The following CLIP1 variants were observed in gnomAD, a reference collection of about 807,000 sequenced individuals.
CLIP1 encodes CAP-Gly domain containing linker protein 1, also known as CAP-Gly domain-containing linker protein 1.
A neutral mutation model predicts 161.6 loss-of-function variants in CLIP1; 66 were observed. That is an observed-to-expected ratio of 0.41 (90% CI 0.33 to 0.50). The LOEUF (loss-of-function observed/expected upper bound fraction) is 0.50. Ranked by LOEUF, CLIP1 falls within the 20% of genes least tolerant of loss-of-function variation. The pLI, the probability that CLIP1 is intolerant of heterozygous loss-of-function variation, is 0.27. For synonymous variants in CLIP1, 598 were observed against 626.2 expected (o/e 0.96, Z 0.67); for missense variants, 1,376 against 1,702.0 (o/e 0.81, Z 3.37).
At chr12:122,345,530 T>A (rs1311983764) in intron 10 of CLIP1, among the ~76,000 whole-genome samples, 1 of 152,052 alleles carries the variant, frequency 6.6e-6, no homozygotes, top group African/African-American at 2.4e-5. Context: ...AGTTCCTTCT[T>A]CTTAAAAAAT....
At chr12:122,350,023 G>A (rs1952948221) in intron 9 of CLIP1, among the ~76,000 whole-genome samples, 1 of 151,776 alleles carries the variant, frequency 6.6e-6, no homozygotes, top group African/African-American at 2.4e-5. Flanking sequence ...TCCTGCCTCA[G>A]CCTCCCTAGT....
chr12:122,394,715 A>ACTG (rs374246124), intron 1 of CLIP1, among the ~76,000 whole-genome samples: 1 of 7,422 alleles, frequency 1.3e-4, no homozygotes, highest in Non-Finnish European at 2.3e-4. Flanking sequence ...GTGGAACCGC[A>ACTG]TCTCTACTAA....
intron 1 of CLIP1, among the ~76,000 whole-genome samples, chr12:122,403,090 C>G (rs1956195183): frequency 6.6e-6 from 1 of 152,096 alleles, no homozygotes; most frequent in African/African-American, 2.4e-5. Context: ...TACCCCAGGC[C>G]CCCCTGGATA....
chr12:122,319,329 T>C lies in CLIP1; in HGVS notation c.3269A>G (p.Asp1090Gly). 6.2e-7 allele frequency: 1 copy of C among 1,613,876 alleles called. No homozygotes were observed. Among genetic ancestry groups the C allele is most frequent in the Non-Finnish European group, 8.5e-7 (1 of 1,179,710 alleles). Residue 1090 changes from aspartate to glycine, a missense_variant, in exon 18 of 26, where the codon GAT becomes GGT. Physicochemically the swap from Asp to Gly is moderately conservative, Grantham distance 94. Coordinates refer to ENST00000620786, the MANE Select transcript of CLIP1 (RefSeq NM_001247997.2). ...DKAKAAQTAE[D>G]AMQIMEQMTK... ...CATCTGTTCCATTATCTGCATGGCATCTTCCGCTGTTTGAGCAGCCTAAAT... is the reference window on the plus strand; with the variant it reads ...CATCTGTTCCATTATCTGCATGGCACCTTCCGCTGTTTGAGCAGCCTAAAT...
intron 18 of CLIP1, among the ~76,000 whole-genome samples, chr12:122,318,649 C>T (rs531905153): frequency 6.6e-6 from 1 of 152,294 alleles, no homozygotes; most frequent in East Asian, 1.9e-4. Context: ...ATTTAGATAA[C>T]AGCTTTCCAA....
At chr12:122,404,061 G>T (rs758852707) in intron 1 of CLIP1, among the ~76,000 whole-genome samples, 1 of 152,178 alleles carries the variant, frequency 6.6e-6, no homozygotes, top group African/African-American at 2.4e-5. Flanking sequence ...ATGAGTGAGC[G>T]GTCTACGCGA....
rs756842406 is a variant in CLIP1 at position 122,309,782 on chromosome 12, C to T, written c.3574G>A (p.Glu1192Lys). The T allele has an allele frequency of 2.9e-5, 46 of 1,612,828 alleles. No individual in the cohort carries two copies. In the East Asian group the frequency reaches 6.7e-4, roughly 23 times the overall value. Residue 1192 changes from glutamate (E) to lysine (K), a missense_variant, in exon 20 of 26, where the codon GAA becomes AAA. Glu to Lys is a moderately conservative substitution (Grantham distance 56, BLOSUM62 1). This residue lies in a region of CLIP1 where 948 missense variants were observed against 1,134.8 expected (regional missense o/e 0.84). Transcript: ENST00000620786. Reference protein sequence around the residue: ...LAEELGRSRDEVTSHQKLEEE... With the variant: ...LAEELGRSRDKVTSHQKLEEE... ...CTGACCTTTTGATGACTTGTGACTT[C>T]GTCCCTGCTTCTCCCCAGCTCCTCA... is the stretch of plus-strand genomic sequence containing the variant.
chr12:122,366,110 C>A (rs529675395), intron 3 of CLIP1, among the ~76,000 whole-genome samples: 1 of 152,024 alleles, frequency 6.6e-6, no homozygotes, highest in Admixed American at 6.6e-5. Context: ...AGTTTGAGAG[C>A]AGCCTGGCCA....
At position 122,333,046 on chromosome 12, in the gene CLIP1, C is replaced by T; in HGVS notation, c.2808G>A (p.Met936Ile). The change falls in exon 15 of 26, where the codon ATG becomes ATA. Residue 936 changes from methionine to isoleucine, a missense_variant. Met to Ile is a conservative substitution (Grantham distance 10). Coordinates refer to ENST00000620786, the MANE Select transcript of CLIP1 (RefSeq NM_001247997.2). ...TCAGCTGAGAAGAGTTATCTCCTGA[C>T]ATCTTCATTATTTCTGCAATGTCAT... ...LENDIAEIMKMSGDNSSQLTK... is the reference protein window; with the variant it reads ...LENDIAEIMKISGDNSSQLTK... 1 of 1,613,780 alleles carries T rather than the reference C, an allele frequency of 6.2e-7. No individual in the cohort carries two copies. The highest frequency in any genetic ancestry group is 8.5e-7 in the Non-Finnish European group (1 of 1,179,776).
At chr12:122,394,102 A>T (rs1326836234) in intron 1 of CLIP1, among the ~76,000 whole-genome samples, 1 of 152,026 alleles carries the variant, frequency 6.6e-6, no homozygotes, top group Non-Finnish European at 1.5e-5. Flanking sequence ...TAAGAAAATT[A>T]TTATTTGGGA....
At position 122,422,537 on chromosome 12, in the gene CLIP1, G is replaced by T; in HGVS notation, c.-123C>A. 6.6e-6 allele frequency: 1 copy of T among 151,060 alleles called. No homozygotes were observed. The highest frequency in any genetic ancestry group is 1.8e-4 in the South Asian group (1 of 5,622). 9.4% of individuals were successfully genotyped at this position (151,060 alleles called of 1,614,324 possible). The stretch of plus-strand genomic sequence containing the variant: ...CCTGCTCACCTCCTCGGACGCCGCC[G>T]GTCGCCGCCACCTGTCCCACTGCAG... On this transcript the variant is annotated 5_prime_UTR_variant, in exon 1 of 26. Transcript: ENST00000620786.
rs374863990 is a variant in CLIP1, at chr12:122,363,937, G to A, written c.782+46C>T. ...GCTTGGTGAGACTGGCCTGAGCATC[G>A]TCACGTACAAGAGTGACACAAGATG... On this transcript the variant is annotated intron_variant, in intron 4 of 25. Coordinates refer to ENST00000620786, the MANE Select transcript of CLIP1 (RefSeq NM_001247997.2). 21 of 1,612,674 alleles carry A rather than the reference G, an allele frequency of 1.3e-5. No homozygotes were observed. The African/African-American group carries it at 2.0e-4, about 15-fold the overall frequency.
In CLIP1 at chr12:122,355,210, C is replaced by T; in HGVS notation, c.1108G>A (p.Glu370Lys). 2 of 1,614,248 alleles carry T rather than the reference C, an allele frequency of 1.2e-6. No homozygotes were observed. Among genetic ancestry groups the T allele is most frequent in the Non-Finnish European group, 1.7e-6 (2 of 1,180,042 alleles). ...ACCTCCGCCCTCTCCAGATCCCGTTCCGCCAGCAGCTGCTCAATGTGCTGC... is the reference window on the plus strand; with the variant it reads ...ACCTCCGCCCTCTCCAGATCCCGTTTCGCCAGCAGCTGCTCAATGTGCTGC... ...KQQHIEQLLA[E>K]RDLERAEVAK... Residue 370 changes from glutamate to lysine, a missense_variant, in exon 6 of 26, where the codon GAA (glutamate) becomes AAA (lysine). Glu to Lys is a moderately conservative substitution (Grantham distance 56, BLOSUM62 1). This residue lies in a region of CLIP1 where 211 missense variants were observed against 295.1 expected (regional missense o/e 0.72). Coordinates refer to ENST00000620786, the MANE Select transcript of CLIP1 (RefSeq NM_001247997.2). The surrounding 1 kb of genome is among the most constrained non-coding windows in gnomAD (Gnocchi z 4.1).
intron 1 of CLIP1, among the ~76,000 whole-genome samples, chr12:122,414,277 A>T (rs1472463472): frequency 6.6e-6 from 1 of 151,842 alleles, no homozygotes; most frequent in Non-Finnish European, 1.5e-5. Context: ...CCTCCCAAGT[A>T]GGTGGGACTA....
intron 2 of CLIP1, 38 bp from the exon 3 acceptor site, chr12:122,377,998 T>A: frequency 6.5e-7 from 1 of 1,531,282 alleles, no homozygotes; most frequent in Admixed American, 2.1e-5. Flanking sequence ...GATTTAATTT[T>A]CAAGCAGACA....
chr12:122,345,965 T>C (rs1952728126), intron 10 of CLIP1, among the ~76,000 whole-genome samples: 1 of 152,042 alleles, frequency 6.6e-6, no homozygotes, highest in Non-Finnish European at 1.5e-5. Context: ...TTAGTATTTT[T>C]AGTAGAGATG....
chr12:122,422,209 G>A (rs1956971886), intron 1 of CLIP1, among the ~76,000 whole-genome samples: 1 of 152,112 alleles, frequency 6.6e-6, no homozygotes, highest in Non-Finnish European at 1.5e-5. Context: ...CGCCTGGGGC[G>A]GCGCAGGGGC....
At chr12:122,289,334 G>A (rs562471990) in intron 20 of CLIP1, among the ~76,000 whole-genome samples, 34 of 151,962 alleles carry the variant, frequency 2.2e-4, no homozygotes, top group African/African-American at 6.7e-4. Context: ...CAGGAGAATC[G>A]CTTGAACCCA....
chr12:122,317,464 C>G (rs57618569), intron 18 of CLIP1, among the ~76,000 whole-genome samples: 1 of 151,944 alleles, frequency 6.6e-6, no homozygotes, highest in East Asian at 1.9e-4. Flanking sequence ...CATTGGCCCA[C>G]GGGGATGCAG....
Sources: allele counts gnomAD v4.1 joint callset (sites outside exome capture counted in the v4.1 genomes callset), GRCh38; gene constraint gnomAD v4.1.1; regional missense constraint gnomAD v4.1.1; non-coding constraint Gnocchi (gnomAD v3.1); transcripts MANE v1.5; gene names NCBI Gene and HGNC (gene_info 2026-07-23, HGNC 2026-07-21).